RASGRF1: variants seen among roughly 807,000 people sequenced by gnomAD.
The protein encoded by RASGRF1 is ras-specific guanine nucleotide-releasing factor 1.
A neutral mutation model predicts 138.7 loss-of-function variants in RASGRF1; 40 were observed. The observed-to-expected ratio is 0.29, with a 90% CI of 0.22 to 0.38. The LOEUF (loss-of-function observed/expected upper bound fraction) is 0.38, where lower values mean the gene tolerates loss of function less well. RASGRF1 is among the 10% of genes least tolerant of loss of function. The probability of loss-of-function intolerance (pLI) is 1.00; values close to 1 mark genes in which losing one functional copy is unlikely to be tolerated. For synonymous variants in RASGRF1, 614 were observed against 663.2 expected (o/e 0.93, Z 1.14); for missense variants, 1,108 against 1,650.4 (o/e 0.67, Z 5.69).
At chr15:78,979,713 G>A (rs2055976417) in intron 24 of RASGRF1, among the ~76,000 whole-genome samples, 1 of 152,208 alleles carries the variant, frequency 6.6e-6, no homozygotes, top group Admixed American at 6.5e-5. Flanking sequence ...TGGAGCCCAG[G>A]GCAAACCTTG....
rs2057032668 is a variant in RASGRF1 at position 79,025,396 on chromosome 15, T to C, written c.1460A>G (p.Glu487Gly). ...GRLGSLSLKKEGERQCFLFSK... is the reference protein window; with the variant it reads ...GRLGSLSLKKGGERQCFLFSK... ...AAACAGGAAGCACTGTCGCTCGCCC[T>C]CTTTCTTTAGGGAGAGAGACCCCAG... Residue 487 changes from glutamate to glycine, a missense_variant, in exon 10 of 27, where the codon GAG becomes GGG. Transcript: ENST00000558480. 1 of 1,613,908 alleles carries C rather than the reference T, an allele frequency of 6.2e-7. No individual in the cohort carries two copies. Among genetic ancestry groups the C allele is most frequent in the Non-Finnish European group, 8.5e-7 (1 of 1,179,954 alleles).
At position 79,020,091 on chromosome 15, in the gene RASGRF1, G is replaced by A; in HGVS notation, c.1556C>T (p.Ser519Phe). The stretch of plus-strand genomic sequence containing the variant: ...CTCCAATAAAGTGCAGTCAATGAGG[G>A]ATATGACTCCATTCTGAAAAAGAGC... ...KLHLTKNGVI[S>F]LIDCTLLEEP... Residue 519 changes from serine (S) to phenylalanine (F), a missense_variant, in exon 11 of 27, where the codon TCC becomes TTC. Around this residue, in one of 3 missense-constraint regions of RASGRF1, gnomAD observed 686 missense variants for 976.7 expected, o/e 0.70. Coordinates refer to ENST00000558480, the MANE Select transcript of RASGRF1 (RefSeq NM_001145648.3). 6.2e-7 allele frequency: 1 copy of A among 1,614,016 alleles called. No homozygotes were observed. The highest frequency in any genetic ancestry group is 2.2e-5 in the East Asian group (1 of 44,894).
chr15:79,063,399 G>A (rs921952398), intron 2 of RASGRF1, among the ~76,000 whole-genome samples: 2 of 152,146 alleles, frequency 1.3e-5, no homozygotes, highest in African/African-American at 4.8e-5. Context: ...GCTCAAGGAC[G>A]GGCCCTAGGA....
At position 78,980,614 on chromosome 15, in the gene RASGRF1, A is replaced by G; in HGVS notation, c.3494+6T>C. ...AAATAACAGCGACAAAACGACACAC[A>G]CTTACTTTTTCAGAGCTTCTCTGAG... On this transcript the variant is annotated splice_donor_region_variant and intron_variant, in intron 24 of 26. Transcript: ENST00000558480. 1 of 1,591,688 alleles carries G rather than the reference A, an allele frequency of 6.3e-7. No individual in the cohort carries two copies. Among genetic ancestry groups the G allele is most frequent in the Non-Finnish European group, 8.6e-7 (1 of 1,160,624 alleles).
chr15:79,041,964 C>T (rs999384838), intron 5 of RASGRF1, among the ~76,000 whole-genome samples: 1 of 152,212 alleles, frequency 6.6e-6, no homozygotes, highest in Non-Finnish European at 1.5e-5. Flanking sequence ...AGATACAAAC[C>T]ATCTGCCACT....
Position 78,989,224 on chromosome 15 carries a change from C to A in RASGRF1, c.3216+965G>T, listed in dbSNP as rs1271199036. Among the ~76,000 whole-genome samples the A allele has an allele frequency of 7.9e-5, 12 of 152,274 alleles. No homozygotes were observed. The East Asian group carries it at 2.1e-3, about 27-fold the overall frequency. On this transcript the variant is annotated intron_variant, in intron 22 of 26. Coordinates refer to ENST00000558480, the MANE Select transcript of RASGRF1 (RefSeq NM_001145648.3). ...CTGGGAGCTGGGGGTGTGTGATGCA[C>A]CCATCTGAACTTAGTGTGCCAATCA...
rs1566977146 is a variant in RASGRF1, at chr15:79,090,442, C to T, written c.57G>A (p.Ala19=). 4 of 1,613,040 alleles carry T rather than the reference C, an allele frequency of 2.5e-6. No individual in the cohort carries two copies. The highest frequency in any genetic ancestry group is 2.5e-6 in the Non-Finnish European group (3 of 1,179,986). The change falls in exon 1 of 27, where the codon GCG becomes GCA. Residue 19 remains alanine, a synonymous_variant. Transcript: ENST00000558480. Reference sequence around the variant, plus strand: ...AGCCTTTGCGCGTGCCGTCCTTGCGCGCCAGCAGTCCCAGGGACGCGACGT... The same window carrying T: ...AGCCTTTGCGCGTGCCGTCCTTGCGTGCCAGCAGTCCCAGGGACGCGACGT... ...DGHVASLGLL[A]RKDGTRKGYL...
At position 79,032,044 on chromosome 15, in the gene RASGRF1, A is replaced by G; in HGVS notation, c.1152+79T>C. ...AGCCCAGAGCTGGGGTGCGTTAAGC[A>G]CTGTGCCCCCACCGCCATGGTCCAT... is the stretch of plus-strand genomic sequence containing the variant. On this transcript the variant is annotated intron_variant, in intron 7 of 26. Coordinates refer to ENST00000558480, the MANE Select transcript of RASGRF1 (RefSeq NM_001145648.3). This position sits in a 1 kb window ranked among gnomAD's most constrained non-coding sequence, Gnocchi z 4.5. 1 of 1,489,766 alleles carries G rather than the reference A, an allele frequency of 6.7e-7. No individual in the cohort carries two copies. Among genetic ancestry groups the G allele is most frequent in the Non-Finnish European group, 9.1e-7 (1 of 1,102,792 alleles). The allele number at this position is 1,489,766 out of a possible 1,614,324, so 92.3% of individuals were successfully genotyped here.
chr15:79,079,141 T>C (rs568295719), intron 1 of RASGRF1, among the ~76,000 whole-genome samples: 1 of 152,324 alleles, frequency 6.6e-6, no homozygotes, highest in South Asian at 2.1e-4. Flanking sequence ...TAATGTAAAC[T>C]ACTCCAGGGC....
chr15:78,979,747 G>T (rs900699210), intron 24 of RASGRF1, among the ~76,000 whole-genome samples: 2 of 152,242 alleles, frequency 1.3e-5, no homozygotes, highest in Non-Finnish European at 2.9e-5. Flanking sequence ...GCCAGCCTGG[G>T]CCAGTCCTGG....
chr15:79,083,954 C>T (rs1017821715), intron 1 of RASGRF1, among the ~76,000 whole-genome samples: 14 of 152,174 alleles, frequency 9.2e-5, no homozygotes, highest in Non-Finnish European at 1.9e-4. Flanking sequence ...AAACATCCTG[C>T]TACAAAATTA....
intron 10 of RASGRF1, among the ~76,000 whole-genome samples, chr15:79,020,334 G>T (rs1228004459): frequency 6.6e-6 from 1 of 152,242 alleles, no homozygotes; most frequent in Non-Finnish European, 1.5e-5. Flanking sequence ...GTCTCAGAGA[G>T]GCCTTCCCCA....
rs1033621388 is a variant in RASGRF1, at chr15:79,090,636, T to G, written c.-138A>C. 37 of 1,209,896 alleles carry G rather than the reference T, an allele frequency of 3.1e-5. No homozygotes were observed. The African/African-American group carries it at 4.6e-4, about 15-fold the overall frequency. 74.9% of individuals were successfully genotyped at this position (1,209,896 alleles called of 1,614,324 possible). A position where few individuals can be genotyped will look rare whatever the true frequency, so the allele number is the denominator to read the frequency against. ...TAGCTCTCCCCTCCCCCCAAATATCTACACTCCAGGATCTGGCGCCGAGCC... is the reference window on the plus strand; with the variant it reads ...TAGCTCTCCCCTCCCCCCAAATATCGACACTCCAGGATCTGGCGCCGAGCC... On this transcript the variant is annotated 5_prime_UTR_variant, in exon 1 of 27. It removes the in-frame stop codon of an upstream open reading frame in the 5' UTR. Transcript: ENST00000558480.
intron 1 of RASGRF1, among the ~76,000 whole-genome samples, chr15:79,081,889 T>C (rs2057918683): frequency 6.6e-6 from 1 of 152,160 alleles, no homozygotes; most frequent in African/African-American, 2.4e-5. Flanking sequence ...ATCCTCTCCC[T>C]TGTTAATTCC....
intron 1 of RASGRF1, among the ~76,000 whole-genome samples, chr15:79,083,824 G>A (rs1037764619): frequency 2.0e-5 from 3 of 152,168 alleles, no homozygotes; most frequent in African/African-American, 7.2e-5. Context: ...AACCTCACAG[G>A]GCTGTTGGAA....
Position 79,006,179 on chromosome 15 carries a change from C to T in RASGRF1, c.2075+7G>A. On this transcript the variant is annotated splice_region_variant and intron_variant, in intron 14 of 26. Transcript: ENST00000558480. This position sits in a 1 kb window ranked among gnomAD's most constrained non-coding sequence, Gnocchi z 4.0. ...CGGGCATGGGAGGAGGAGGGCACCT[C>T]AGCCACCTGGCAGGAATGGCACTGA... The T allele has an allele frequency of 1.2e-6, 2 of 1,614,022 alleles. No individual in the cohort carries two copies. Among genetic ancestry groups the T allele is most frequent in the South Asian group, 1.1e-5 (1 of 91,070 alleles).
Position 79,027,318 on chromosome 15 carries a change from T to G in RASGRF1, c.1381+423A>C, listed in dbSNP as rs1422051204. Among the ~76,000 whole-genome samples the G allele has an allele frequency of 6.6e-6, 1 of 152,016 alleles. No individual in the cohort carries two copies. The highest frequency in any genetic ancestry group is 1.5e-5 in the Non-Finnish European group (1 of 68,002). On this transcript the variant is annotated intron_variant, in intron 9 of 26. Coordinates refer to ENST00000558480, the MANE Select transcript of RASGRF1 (RefSeq NM_001145648.3). This position sits in a 1 kb window ranked among gnomAD's most constrained non-coding sequence, Gnocchi z 4.8. ...GTCTCTCCAAAGCAGCAGAGGATGA[T>G]GAGGAAAGGACAGGGGAATGGACCC...
rs138773007 is a variant in RASGRF1 at position 78,999,854 on chromosome 15, T to C, written c.2635A>G (p.Asn879Asp). The C allele has an allele frequency of 6.2e-7, 1 of 1,614,204 alleles. No individual in the cohort carries two copies. Residue 879 changes from asparagine (N) to aspartate (D), a missense_variant, in exon 17 of 27, where the codon AAT becomes GAT. Transcript: ENST00000558480. ...VVMTSCRELD[N>D]NRSALSAASA... ...GCGGCCGACAAGGCACTGCGGTTATTGTCCAGTTCACGACAGGAGGTCATG... is the reference window on the plus strand; with the variant it reads ...GCGGCCGACAAGGCACTGCGGTTATCGTCCAGTTCACGACAGGAGGTCATG...
intron 22 of RASGRF1, 101 bp from the exon 23 acceptor site, chr15:78,985,305 A>AG: frequency 8.0e-7 from 1 of 1,252,764 alleles, no homozygotes; most frequent in South Asian, 1.5e-5. Flanking sequence ...TGAAAATACA[A>AG]GAAGGAATTG....
Sources: allele counts gnomAD v4.1 joint callset (sites outside exome capture counted in the v4.1 genomes callset), GRCh38; gene constraint gnomAD v4.1.1; regional missense constraint gnomAD v4.1.1; non-coding constraint Gnocchi (gnomAD v3.1); transcripts MANE v1.5; gene names NCBI Gene and HGNC (gene_info 2026-07-23, HGNC 2026-07-21).